PIK3CD: variants seen among roughly 807,000 people sequenced by gnomAD.
PIK3CD encodes phosphatidylinositol-4,5-bisphosphate 3-kinase catalytic subunit delta, also known as phosphatidylinositol 4,5-bisphosphate 3-kinase catalytic subunit delta isoform.
A neutral mutation model predicts 122.9 loss-of-function variants in PIK3CD; 20 were observed. That is an observed-to-expected ratio of 0.16 (90% CI 0.11 to 0.24). The LOEUF (loss-of-function observed/expected upper bound fraction) is 0.24. Among genes scored for constraint, PIK3CD ranks in the 10% least tolerant of loss-of-function variants. The probability of loss-of-function intolerance (pLI) is 1.00; values close to 1 mark genes in which losing one functional copy is unlikely to be tolerated. For synonymous variants in PIK3CD, 596 were observed against 593.4 expected, an observed-to-expected ratio of 1.00 and a Z score of -0.06; for missense variants, 787 against 1,406.3, an observed-to-expected ratio of 0.56 and a Z score of 7.04.
chr1:9,722,200 C>A lies in PIK3CD; in HGVS notation c.2235-44C>A, dbSNP rs367558191. The A allele has an allele frequency of 3.1e-6, 5 of 1,610,478 alleles. No homozygotes were observed. The South Asian group carries it at 5.5e-5, about 18-fold the overall frequency. The stretch of plus-strand genomic sequence containing the variant: ...AGGGTTCCTCCCACCCCTGGGAGGC[C>A]GGTAGAGGAGCCCCTGCTGACTGCC... On this transcript the variant is annotated intron_variant, in intron 17 of 23. Transcript: ENST00000377346. The surrounding 1 kb of genome is among the most constrained non-coding windows in gnomAD (Gnocchi z 7.6).
At chr1:9,705,883 C>T (rs1024681201) in intron 2 of PIK3CD, among the ~76,000 whole-genome samples, 2 of 152,058 alleles carry the variant, frequency 1.3e-5, no homozygotes, top group African/African-American at 4.8e-5. Flanking sequence ...CGGGCACCAC[C>T]GTCTTGAGGA....
chr1:9,632,384 G>T, the PIK3CD span, among the ~76,000 whole-genome samples: 1 of 152,018 alleles, frequency 6.6e-6, no homozygotes, highest in African/African-American at 2.4e-5. Flanking sequence ...CTATTCACAG[G>T]TGCAAGGATA....
In PIK3CD at chr1:9,652,662, T is replaced by A. The variant is rs1305234465; in HGVS notation, c.-138+860T>A. 6.6e-6 allele frequency: 1 copy of A among 152,290 alleles called. No individual in the cohort carries two copies. The highest frequency in any genetic ancestry group is 1.9e-4 in the East Asian group (1 of 5,204). The allele number at this position is 152,290 out of a possible 1,614,324, so 9.4% of individuals were successfully genotyped here. A position where few individuals can be genotyped will look rare whatever the true frequency, so the allele number is the denominator to read the frequency against. On this transcript the variant is annotated intron_variant, in intron 1 of 23. Transcript: ENST00000377346. This position sits in a 1 kb window ranked among gnomAD's most constrained non-coding sequence, Gnocchi z 6.2. The stretch of plus-strand genomic sequence containing the variant: ...CTGTTTTTATTTAGGCTTCCTCATT[T>A]GCACCTCCTCCTTTGAGGTAGAGAA...
intron 23 of PIK3CD, 74 bp downstream of exon 23, chr1:9,725,010 G>T: frequency 6.4e-7 from 1 of 1,567,592 alleles, no homozygotes; most frequent in East Asian, 2.3e-5. Context: ...GACCTAGGAG[G>T]GCCCTGAATG....
Position 9,722,283 on chromosome 1 carries a change from C to G in PIK3CD, c.2274C>G (p.Pro758=). The change falls in exon 18 of 24, where the codon CCC becomes CCG. Residue 758 remains proline, a synonymous_variant. Transcript: ENST00000377346. This position sits in a 1 kb window ranked among gnomAD's most constrained non-coding sequence, Gnocchi z 7.6. ...CCTTCATGGACTCCAAGATGAAGCC[C>G]CTGTGGATCATGTACAGCAACGAGG... is the stretch of plus-strand genomic sequence containing the variant. The part of the protein sequence containing the change: ...QCTFMDSKMK[P]LWIMYSNEEA... The G allele has an allele frequency of 6.2e-7, 1 of 1,613,720 alleles. No homozygotes were observed. The highest frequency in any genetic ancestry group is 1.3e-5 in the African/African-American group (1 of 75,004).
intron 1 of PIK3CD, among the ~76,000 whole-genome samples, chr1:9,678,215 GTACT>G (rs1645614538): frequency 1.3e-5 from 2 of 151,680 alleles, no homozygotes; most frequent in South Asian, 4.2e-4. Flanking sequence ...TGTAGTCCTA[GTACT>G]TTGGGAGGCC....
chr1:9,638,157 G>A, the PIK3CD span, among the ~76,000 whole-genome samples: 4 of 150,618 alleles, frequency 2.7e-5, no homozygotes, highest in Non-Finnish European at 5.9e-5. Flanking sequence ...GGAGCTCTAC[G>A]TGAGTAAGCA....
In PIK3CD at chr1:9,720,262, C is replaced by T. The variant is rs747768075; in HGVS notation, c.1470+20C>T. On this transcript the variant is annotated intron_variant, in intron 11 of 23. Transcript: ENST00000377346. The surrounding 1 kb of genome is among the most constrained non-coding windows in gnomAD (Gnocchi z 9.0). ...GAGAAGGTCAGTGGGGGCCCCGCCG[C>T]GTGAGGCTGAGGGGCTGGCGCGGAG... 4.4e-6 allele frequency: 7 copies of T among 1,596,962 alleles called. No homozygotes were observed. The Admixed American group carries it at 6.7e-5, about 15-fold the overall frequency.
chr1:9,627,813 AG>A, the PIK3CD span, among the ~76,000 whole-genome samples: 1 of 152,108 alleles, frequency 6.6e-6, no homozygotes, highest in Admixed American at 6.5e-5. Flanking sequence ...TAGAGAGAGG[AG>A]GGGCCTTCGA....
chr1:9,667,123 C>T (rs1645184364), intron 1 of PIK3CD, among the ~76,000 whole-genome samples: 1 of 152,230 alleles, frequency 6.6e-6, no homozygotes, highest in African/African-American at 2.4e-5. Flanking sequence ...CTCTGCCTCC[C>T]AAAGTGCTAG....
In PIK3CD at chr1:9,715,975, G is replaced by C; in HGVS notation, c.497G>C (p.Ser166Thr). The change falls in exon 5 of 24, where the codon AGT (serine) becomes ACT (threonine). Residue 166 changes from serine (S) to threonine (T), a missense_variant. By Grantham distance (58) the Ser-to-Thr change is moderately conservative (BLOSUM62 1). This residue lies in a region of PIK3CD where 592 missense variants were observed against 920.6 expected (regional missense o/e 0.64). Coordinates refer to ENST00000377346, the MANE Select transcript of PIK3CD (RefSeq NM_005026.5). This position sits in a 1 kb window ranked among gnomAD's most constrained non-coding sequence, Gnocchi z 4.1. ...QLGWEAWLQY[S>T]FPLQLEPSAQ... The stretch of plus-strand genomic sequence containing the variant: ...GGCTGGGAGGCCTGGCTGCAGTACA[G>C]TTTCCCCCTGCAGCTGGAGCCCTCG... The C allele has an allele frequency of 6.2e-7, 1 of 1,612,472 alleles. No homozygotes were observed.
Position 9,689,854 on chromosome 1 carries a change from A to T in PIK3CD, c.-137-1613A>T, listed in dbSNP as rs1646131474. Among the ~76,000 whole-genome samples the T allele has an allele frequency of 6.9e-6, 1 of 145,658 alleles. No homozygotes were observed. Among genetic ancestry groups the T allele is most frequent in the Non-Finnish European group, 1.5e-5 (1 of 65,084 alleles). On this transcript the variant is annotated intron_variant, in intron 1 of 23. Coordinates refer to ENST00000377346, the MANE Select transcript of PIK3CD (RefSeq NM_005026.5). This position sits in a 1 kb window ranked among gnomAD's most constrained non-coding sequence, Gnocchi z 6.1. ...GTGGGCAGGGTCGGTGGAGGCGATC[A>T]GGGGTCCGGGGCCGTGGGGGCTTGG...
chr1:9,640,579 C>CA, the PIK3CD span, among the ~76,000 whole-genome samples: 642 of 145,918 alleles, frequency 4.4e-3, 2 homozygotes, highest in Middle Eastern at 0.039. Context: ...AACTCTGTCT[C>CA]AAAAAAAGAA....
the PIK3CD span, among the ~76,000 whole-genome samples, chr1:9,640,976 G>A: frequency 1.4e-4 from 21 of 152,256 alleles, no homozygotes; most frequent in Middle Eastern, 6.8e-3. Context: ...ATCCAGGTCC[G>A]TGCTCAGCTC....
chr1:9,634,239 C>T, the PIK3CD span, among the ~76,000 whole-genome samples: 1,520 of 150,970 alleles, frequency 0.01, 63 homozygotes, highest in South Asian at 0.095. Context: ...CTACAACCTC[C>T]GCCTTCCAGG....
At chr1:9,725,555 C>CA (rs1053389355) in intron 23 of PIK3CD, among the ~76,000 whole-genome samples, 5 of 148,058 alleles carry the variant, frequency 3.4e-5, no homozygotes, top group Non-Finnish European at 5.9e-5. Flanking sequence ...AACTCGGTCT[C>CA]AAAAAAAATA....
chr1:9,640,626 T>A, the PIK3CD span, among the ~76,000 whole-genome samples: 1 of 151,966 alleles, frequency 6.6e-6, no homozygotes, highest in Non-Finnish European at 1.5e-5. Flanking sequence ...GCTGGTGTGC[T>A]GGTGCATTCT....
rs930280248 is a variant in PIK3CD, at chr1:9,723,533, C to T, written c.2594+241C>T. 2.0e-5 allele frequency among the ~76,000 whole-genome samples: 3 copies of T among 152,216 alleles called. No individual in the cohort carries two copies. The highest frequency in any genetic ancestry group is 4.4e-5 in the Non-Finnish European group (3 of 68,028). On this transcript the variant is annotated intron_variant, in intron 20 of 23. Coordinates refer to ENST00000377346, the MANE Select transcript of PIK3CD (RefSeq NM_005026.5). This position sits in a 1 kb window ranked among gnomAD's most constrained non-coding sequence, Gnocchi z 4.9. ...CAGGGCTTTAAAAAACAGCCATTTA[C>T]GATTGGCTCACAGATCTGCAGCTGG...
At chr1:9,668,014 A>C (rs1645216224) in intron 1 of PIK3CD, among the ~76,000 whole-genome samples, 1 of 150,608 alleles carries the variant, frequency 6.6e-6, no homozygotes, top group African/African-American at 2.5e-5. Flanking sequence ...TCGCCTCCCA[A>C]AGTGCTGGGA....
Sources: gnomAD v4.1 joint callset for allele counts (sites outside exome capture counted in the v4.1 genomes callset) on GRCh38, gnomAD v4.1.1 for gene constraint, gnomAD v4.1.1 regional missense constraint, Gnocchi (gnomAD v3.1) non-coding constraint, MANE v1.5 for transcripts, NCBI Gene and HGNC (gene_info 2026-07-23, HGNC 2026-07-21) for gene names.